The following TRIM26 variants were observed in gnomAD, a reference collection of about 807,000 sequenced individuals.
TRIM26 encodes tripartite motif-containing protein 26.
A neutral mutation model predicts 45.5 loss-of-function variants in TRIM26; 16 were observed. The observed-to-expected ratio is 0.35, with a 90% CI of 0.24 to 0.53. The LOEUF (loss-of-function observed/expected upper bound fraction) is 0.53. TRIM26 is among the 20% of genes least tolerant of loss of function. The pLI, the probability that TRIM26 is intolerant of heterozygous loss-of-function variation, is 0.92. For synonymous variants in TRIM26, 273 were observed against 290.4 expected (o/e 0.94, Z 0.61); for missense variants, 442 against 691.1 (o/e 0.64, Z 4.04).
At chr6:30,192,533 C>T (rs1285967469) in intron 6 of TRIM26, among the ~76,000 whole-genome samples, 1 of 152,116 alleles carries the variant, frequency 6.6e-6, no homozygotes, top group Admixed American at 6.5e-5. Flanking sequence ...CTCCCTCTCA[C>T]CTGTATTTCT....
At position 30,187,828 on chromosome 6, in the gene TRIM26, G is replaced by C. The variant is rs529627145; in HGVS notation, c.938-1270C>G. On this transcript the variant is annotated intron_variant, in intron 9 of 9. Transcript: ENST00000454678. ...AGCTACTTAGGAGGCTGAGGCAGGA[G>C]AATGGCGTGAACCTGGGAGGCGGGG... Among the ~76,000 whole-genome samples, 4 of 148,722 alleles carry C rather than the reference G, an allele frequency of 2.7e-5. No individual in the cohort carries two copies. In the South Asian group the frequency reaches 8.6e-4, roughly 32 times the overall value.
Position 30,189,968 on chromosome 6 carries a change from TA to T in TRIM26, c.788+44del. ...GCACCTGGTCAGAAGCGGGGGAACA[TA>T]AACAAGGGGGATGAGGTACGCCATG... On this transcript the variant is annotated intron_variant, in intron 7 of 9. Coordinates refer to ENST00000454678, the MANE Select transcript of TRIM26 (RefSeq NM_003449.5). The surrounding 1 kb of genome is among the most constrained non-coding windows in gnomAD (Gnocchi z 5.0). The T allele has an allele frequency of 1.2e-6, 2 of 1,611,874 alleles. No individual in the cohort carries two copies. Among genetic ancestry groups the T allele is most frequent in the Non-Finnish European group, 1.7e-6 (2 of 1,179,056 alleles).
chr6:30,207,303 T>C lies in TRIM26; in HGVS notation c.-375-2538A>G, dbSNP rs778625284. On this transcript the variant is annotated intron_variant, in intron 1 of 9. Coordinates refer to ENST00000454678, the MANE Select transcript of TRIM26 (RefSeq NM_003449.5). The surrounding 1 kb of genome is among the most constrained non-coding windows in gnomAD (Gnocchi z 4.9). ...GCAGATGTTTATTAGGTGCCGACTATGTGTCAGGCACCGAGGTTACAGCAG... is the reference window on the plus strand; with the variant it reads ...GCAGATGTTTATTAGGTGCCGACTACGTGTCAGGCACCGAGGTTACAGCAG... Among the ~76,000 whole-genome samples, 85 of 152,332 alleles carry C rather than the reference T, an allele frequency of 5.6e-4. No homozygotes were observed. Among genetic ancestry groups the C allele is most frequent in the Non-Finnish European group, 1.0e-3 (68 of 68,028 alleles).
At chr6:30,200,876 T>G (rs1777094761) in intron 3 of TRIM26, among the ~76,000 whole-genome samples, 159 bp downstream of exon 3, 1 of 152,204 alleles carries the variant, frequency 6.6e-6, no homozygotes, top group Admixed American at 6.5e-5. Context: ...GACGGAAATC[T>G]AGGAGAGAAC....
intron 6 of TRIM26, among the ~76,000 whole-genome samples, chr6:30,195,392 T>C (rs1776355390): frequency 6.6e-6 from 1 of 151,786 alleles, no homozygotes; most frequent in Admixed American, 6.6e-5. Flanking sequence ...CTGGACAAAA[T>C]AAGAACAAGA....
At chr6:30,213,089 GAA>G (rs1778455452) in intron 1 of TRIM26, among the ~76,000 whole-genome samples, 2 of 152,182 alleles carry the variant, frequency 1.3e-5, no homozygotes, top group African/African-American at 4.8e-5. Flanking sequence ...CAGAAAGCGA[GAA>G]AGACCCAAGA....
At chr6:30,188,807 T>C (rs964723928) in intron 9 of TRIM26, among the ~76,000 whole-genome samples, 2 of 152,136 alleles carry the variant, frequency 1.3e-5, no homozygotes, top group African/African-American at 4.8e-5. Flanking sequence ...GTGGTGGATA[T>C]GGCCTCTGGT....
Position 30,207,990 on chromosome 6 carries a change from G to A in TRIM26, c.-375-3225C>T, listed in dbSNP as rs1351636606. ...ACCCTGTACTTCTCTGCAGTTTTAA[G>A]TCCTGACTTATTAGTGTAATTACTC... On this transcript the variant is annotated intron_variant, in intron 1 of 9. Transcript: ENST00000454678. The surrounding 1 kb of genome is among the most constrained non-coding windows in gnomAD (Gnocchi z 4.9). 6.6e-6 allele frequency among the ~76,000 whole-genome samples: 1 copy of A among 152,138 alleles called. No homozygotes were observed. The highest frequency in any genetic ancestry group is 1.5e-5 in the Non-Finnish European group (1 of 68,034).
chr6:30,200,478 C>T lies in TRIM26; in HGVS notation c.-162+557G>A, dbSNP rs117322208. Among the ~76,000 whole-genome samples the T allele has an allele frequency of 5.1e-4, 77 of 152,316 alleles. 1 individual carries two copies. The East Asian group carries it at 0.014, about 28-fold the overall frequency. Reference sequence around the variant, plus strand: ...AGAAGGCTGGACTCTAAACACAGCCCTCCAGAGGAGCACAGCTTAGCCTCA... The same window carrying T: ...AGAAGGCTGGACTCTAAACACAGCCTTCCAGAGGAGCACAGCTTAGCCTCA... On this transcript the variant is annotated intron_variant, in intron 3 of 9. Coordinates refer to ENST00000454678, the MANE Select transcript of TRIM26 (RefSeq NM_003449.5).
chr6:30,204,562 G>A (rs1198023740), intron 2 of TRIM26, 94 bp downstream of exon 2: 1 of 151,970 alleles, frequency 6.6e-6, no homozygotes, highest in Non-Finnish European at 1.5e-5. Flanking sequence ...TGAGAGATGT[G>A]AGCAGACCAG....
chr6:30,185,815 G>T lies in TRIM26; in HGVS notation c.*61C>A. Reference sequence around the variant, plus strand: ...CAGGCATCCCGTCCCCCCATTGAGAGTCCTGGAATTCCAAAGAAGTGAAGC... The same window carrying T: ...CAGGCATCCCGTCCCCCCATTGAGATTCCTGGAATTCCAAAGAAGTGAAGC... On this transcript the variant is annotated 3_prime_UTR_variant, in exon 10 of 10. Coordinates refer to ENST00000454678, the MANE Select transcript of TRIM26 (RefSeq NM_003449.5). The surrounding 1 kb of genome is among the most constrained non-coding windows in gnomAD (Gnocchi z 5.7). The T allele has an allele frequency of 6.5e-7, 1 of 1,546,048 alleles. No homozygotes were observed. The highest frequency in any genetic ancestry group is 8.8e-7 in the Non-Finnish European group (1 of 1,142,646).
rs750272917 is a variant in TRIM26 at position 30,198,449 on chromosome 6, C to T, written c.514G>A (p.Ala172Thr). The change falls in exon 5 of 10, where the codon GCT (alanine) becomes ACT (threonine). Residue 172 changes from alanine (A) to threonine (T), a missense_variant. Transcript: ENST00000454678. This position sits in a 1 kb window ranked among gnomAD's most constrained non-coding sequence, Gnocchi z 6.3. ...KIQGFQAKGE[A>T]DILAALKKLQ... The stretch of plus-strand genomic sequence containing the variant: ...CTTACCAGCGCGGCCAGGATATCAG[C>T]TTCTCCCTTTGCCTGGAAGCCCTGA... 6 of 1,613,108 alleles carry T rather than the reference C, an allele frequency of 3.7e-6. No homozygotes were observed. The highest frequency in any genetic ancestry group is 5.1e-6 in the Non-Finnish European group (6 of 1,180,046).
In TRIM26 at chr6:30,199,281, A is replaced by C; in HGVS notation, c.-161-17T>G. Reference sequence around the variant, plus strand: ...CACCAGCTCCTACAAGGTTCACACAATGTCAACGAGAAGAGGACCTTATAG... The same window carrying C: ...CACCAGCTCCTACAAGGTTCACACACTGTCAACGAGAAGAGGACCTTATAG... On this transcript the variant is annotated splice_polypyrimidine_tract_variant and intron_variant, in intron 3 of 9. Transcript: ENST00000454678. 1 of 547,860 alleles carries C rather than the reference A, an allele frequency of 1.8e-6. No homozygotes were observed. The highest frequency in any genetic ancestry group is 3.2e-6 in the Non-Finnish European group (1 of 315,690). 33.9% of individuals were successfully genotyped at this position (547,860 alleles called of 1,614,324 possible).
Position 30,189,356 on chromosome 6 carries a change from C to A in TRIM26, c.904+62G>T, listed in dbSNP as rs560602854. ...CAAGGTGATGGAAAGGAGCTGGGTGCGCTCTTTCTACGAGGTAGCCCTGCT... is the reference window on the plus strand; with the variant it reads ...CAAGGTGATGGAAAGGAGCTGGGTGAGCTCTTTCTACGAGGTAGCCCTGCT... On this transcript the variant is annotated intron_variant, in intron 8 of 9. Transcript: ENST00000454678. This position sits in a 1 kb window ranked among gnomAD's most constrained non-coding sequence, Gnocchi z 5.0. 1.9e-6 allele frequency: 3 copies of A among 1,575,718 alleles called. No homozygotes were observed. The highest frequency in any genetic ancestry group is 1.7e-6 in the Non-Finnish European group (2 of 1,146,434).
chr6:30,192,483 AAAAGG>A lies in TRIM26; in HGVS notation c.766-2453_766-2449del, dbSNP rs200353817. On this transcript the variant is annotated intron_variant, in intron 6 of 9. Coordinates refer to ENST00000454678, the MANE Select transcript of TRIM26 (RefSeq NM_003449.5). ...TCTTTCCTTTCCTATCACCTCTATC[AAAAGG>A]TCTCTTCTATTTTACACATTTTGTC... 4.4e-3 allele frequency among the ~76,000 whole-genome samples: 672 copies of A among 152,134 alleles called. 1 individual carries two copies. The highest frequency in any genetic ancestry group is 0.011 in the African/African-American group (472 of 41,504).
At position 30,186,449 on chromosome 6, in the gene TRIM26, C is replaced by G. The variant is rs1483355859; in HGVS notation, c.1047G>C (p.Gln349His). The G allele has an allele frequency of 6.2e-7, 1 of 1,600,230 alleles. No homozygotes were observed. The highest frequency in any genetic ancestry group is 2.2e-5 in the East Asian group (1 of 44,770). The change falls in exon 10 of 10, where the codon CAG becomes CAC. Residue 349 changes from glutamine (Q) to histidine (H), a missense_variant. Coordinates refer to ENST00000454678, the MANE Select transcript of TRIM26 (RefSeq NM_003449.5). This position sits in a 1 kb window ranked among gnomAD's most constrained non-coding sequence, Gnocchi z 7.4. ...SLYKSAYLHP[Q>H]QFDCEPGVLG... ...GCACCCCAGGCTCACAGTCAAACTG[C>G]TGGGGGTGCAGGTAGGCACTCTTGT...
In TRIM26 at chr6:30,189,079, C is replaced by A; in HGVS notation, c.937+88G>T. ...ATTCTTCCTGTTGCAAAAGGGGCTA[C>A]CTGGGGGAAAAGTGAGCAGTCAGAA... On this transcript the variant is annotated intron_variant, in intron 9 of 9. Coordinates refer to ENST00000454678, the MANE Select transcript of TRIM26 (RefSeq NM_003449.5). This position sits in a 1 kb window ranked among gnomAD's most constrained non-coding sequence, Gnocchi z 5.0. The A allele has an allele frequency of 6.9e-7, 1 of 1,459,162 alleles. No homozygotes were observed. Among genetic ancestry groups the A allele is most frequent in the Non-Finnish European group, 9.3e-7 (1 of 1,071,634 alleles). The allele number at this position is 1,459,162 out of a possible 1,614,324, so 90.4% of individuals were successfully genotyped here.
intron 1 of TRIM26, among the ~76,000 whole-genome samples, chr6:30,212,092 A>T (rs1778344650): frequency 6.6e-6 from 1 of 152,212 alleles, no homozygotes; most frequent in Non-Finnish European, 1.5e-5. Context: ...ATGTTAGTAC[A>T]TGCCCTTGAT....
intron 1 of TRIM26, among the ~76,000 whole-genome samples, chr6:30,205,969 C>CAAG (rs910694745): frequency 8.5e-5 from 13 of 152,228 alleles, no homozygotes; most frequent in Non-Finnish European, 1.6e-4. Flanking sequence ...GTTCAGGCCT[C>CAAG]TCTTGAGTAT....
Sources: gnomAD v4.1 joint callset for allele counts (sites outside exome capture counted in the v4.1 genomes callset) on GRCh38, gnomAD v4.1.1 for gene constraint, Gnocchi (gnomAD v3.1) non-coding constraint, MANE v1.5 for transcripts, NCBI Gene and HGNC (gene_info 2026-07-23, HGNC 2026-07-21) for gene names.